Variants in CDK5RAP2 observed in about 807,000 individuals in gnomAD.
CDK5RAP2 encodes the protein CDK5 regulatory subunit associated protein 2.
In CDK5RAP2, 147 loss-of-function variants were observed where a neutral mutation model predicts 232.9. That is an observed-to-expected ratio of 0.63 (90% CI 0.55 to 0.72). The LOEUF is 0.72. CDK5RAP2 is among the 30% of genes least tolerant of loss of function. The pLI is 0.00. For missense variants in CDK5RAP2, 2,195 were observed against 2,231.5 expected (o/e 0.98, Z 0.33); for synonymous variants, 833 against 833.7 (o/e 1.00, Z 0.01).
chr9:120,407,424 T>C lies in CDK5RAP2; in HGVS notation c.4727-176A>G, dbSNP rs1477842108. On this transcript the variant is annotated intron_variant, in intron 31 of 37. Coordinates refer to ENST00000349780, the MANE Select transcript of CDK5RAP2 (RefSeq NM_018249.6). ...GAAACAAAAATATTGGCAGACTTAA[T>C]TGCTGCTATTCCACACGCTAAATAA... 6.2e-6 allele frequency: 4 copies of C among 649,176 alleles called. No homozygotes were observed. The East Asian group carries it at 8.2e-5, about 13-fold the overall frequency. 40.2% of individuals were successfully genotyped at this position (649,176 alleles called of 1,614,324 possible). A position where few individuals can be genotyped will look rare whatever the true frequency, so the allele number is the denominator to read the frequency against.
chr9:120,483,166 T>C (rs1187484008), intron 14 of CDK5RAP2, among the ~76,000 whole-genome samples: 2 of 152,200 alleles, frequency 1.3e-5, no homozygotes, highest in African/African-American at 4.8e-5. Flanking sequence ...ACAGATCTGC[T>C]GTGTGTCTGG....
chr9:120,401,154 A>C, intron 34 of CDK5RAP2: 1 of 454,154 alleles, frequency 2.2e-6, no homozygotes, highest in South Asian at 2.3e-5. Flanking sequence ...TACAGTTACT[A>C]CTCCAAGTAA....
At position 120,403,026 on chromosome 9, in the gene CDK5RAP2, G is replaced by T. The variant is rs2033165911; in HGVS notation, c.5087C>A (p.Ser1696Tyr). Reference protein sequence around the residue: ...PLSGNDTDSLSCDSGSSATST... With the variant: ...PLSGNDTDSLYCDSGSSATST... ...AGTTGCCGAACTGCCACTGTCGCAG[G>T]AGAGGGAGTCCGTGTCATTCCCAGA... Residue 1696 changes from serine (S) to tyrosine (Y), a missense_variant, in exon 34 of 38, where the codon TCC becomes TAC. Transcript: ENST00000349780. This position sits in a 1 kb window ranked among gnomAD's most constrained non-coding sequence, Gnocchi z 4.2. 6.2e-7 allele frequency: 1 copy of T among 1,614,224 alleles called. No individual in the cohort carries two copies. The highest frequency in any genetic ancestry group is 8.5e-7 in the Non-Finnish European group (1 of 1,180,036).
intron 18 of CDK5RAP2, among the ~76,000 whole-genome samples, chr9:120,462,193 C>A (rs943409384): frequency 2.0e-5 from 3 of 152,180 alleles, no homozygotes; most frequent in African/African-American, 7.2e-5. Context: ...TATTATCCAG[C>A]ATGAAACAGA....
intron 35 of CDK5RAP2, among the ~76,000 whole-genome samples, chr9:120,395,773 G>A (rs1278068594): frequency 6.6e-6 from 1 of 152,178 alleles, no homozygotes; most frequent in South Asian, 2.1e-4. Context: ...AGAGAGAACT[G>A]GTTGTATGAA....
chr9:120,459,294 T>G (rs920700179), intron 19 of CDK5RAP2, among the ~76,000 whole-genome samples: 6 of 152,178 alleles, frequency 3.9e-5, no homozygotes, highest in African/African-American at 7.2e-5. Context: ...AAGCCTGTAC[T>G]GGGCATGTCT....
intron 12 of CDK5RAP2, among the ~76,000 whole-genome samples, chr9:120,498,222 T>A (rs575519164): frequency 1.3e-5 from 2 of 152,196 alleles, no homozygotes; most frequent in Non-Finnish European, 2.9e-5. Flanking sequence ...CCAGCCTCCA[T>A]ACTTAGCGAT....
intron 14 of CDK5RAP2, among the ~76,000 whole-genome samples, chr9:120,484,513 G>C (rs938426865): frequency 6.6e-6 from 1 of 152,126 alleles, no homozygotes; most frequent in Non-Finnish European, 1.5e-5. Flanking sequence ...TTTGAGGTCA[G>C]AAGTTTGAGA....
At chr9:120,413,720 T>C (rs2033999126) in intron 28 of CDK5RAP2, among the ~76,000 whole-genome samples, 1 of 152,186 alleles carries the variant, frequency 6.6e-6, no homozygotes, top group South Asian at 2.1e-4. Context: ...CGTGTATTTC[T>C]TTCCTGTGTT....
chr9:120,534,161 A>G (rs1344341728), intron 7 of CDK5RAP2, among the ~76,000 whole-genome samples: 2 of 152,040 alleles, frequency 1.3e-5, no homozygotes, highest in African/African-American at 4.8e-5. Flanking sequence ...CAAATTCTTC[A>G]ATAAGGTCCA....
rs948927830 is a variant in CDK5RAP2, at chr9:120,485,980, T to C, written c.1626+1314A>G. Among the ~76,000 whole-genome samples, 119 of 152,224 alleles carry C rather than the reference T, an allele frequency of 7.8e-4. 2 individuals are homozygous for C. The highest frequency in any genetic ancestry group is 4.4e-3 in the Admixed American group (68 of 15,290). On this transcript the variant is annotated intron_variant, in intron 14 of 37. Coordinates refer to ENST00000349780, the MANE Select transcript of CDK5RAP2 (RefSeq NM_018249.6). ...GTCAGAATTAAGAAACAGCTCCAAC[T>C]GTTCAGCCAATGATACCCCCAGGAC...
intron 16 of CDK5RAP2, among the ~76,000 whole-genome samples, chr9:120,470,969 C>T (rs1007383212): frequency 6.6e-6 from 1 of 152,156 alleles, no homozygotes; most frequent in Non-Finnish European, 1.5e-5. Context: ...AATCTGGGCA[C>T]GTCAAACCCC....
In CDK5RAP2 at chr9:120,487,434, A is replaced by C. The variant is rs2038672001; in HGVS notation, c.1486T>G (p.Phe496Val). The change falls in exon 14 of 38, where the codon TTC (phenylalanine) becomes GTC (valine). Residue 496 changes from phenylalanine to valine, a missense_variant. Phe to Val is a conservative substitution (Grantham distance 50). Coordinates refer to ENST00000349780, the MANE Select transcript of CDK5RAP2 (RefSeq NM_018249.6). ...TNQKDVLLQK[F>V]NEKDLEVIQQ... is the part of the protein sequence containing the mutation. ...ATTACTTCCAAATCTTTTTCATTGA[A>C]TTTCTAATGAAATAAAACAAATTCT... The C allele has an allele frequency of 1.2e-6, 2 of 1,602,870 alleles. No individual in the cohort carries two copies. Among genetic ancestry groups the C allele is most frequent in the South Asian group, 1.1e-5 (1 of 88,130 alleles).
At chr9:120,499,203 T>A (rs1253465749) in intron 12 of CDK5RAP2, among the ~76,000 whole-genome samples, 1 of 152,334 alleles carries the variant, frequency 6.6e-6, no homozygotes, top group South Asian at 2.1e-4. Context: ...ACTGATAAAG[T>A]AGTATGTCTG....
rs747859919 is a variant in CDK5RAP2, at chr9:120,453,556, G to A, written c.2693C>T (p.Pro898Leu). ...CTCTGCGCTGAGTGCAGTGTTGATC[G>A]GTTTCTCTTCCCAAGCCTCTCTTGT... ...EATREAWEEK[P>L]INTALSAEHR... The change falls in exon 21 of 38, where the codon CCG (proline) becomes CTG (leucine). Residue 898 changes from proline (P) to leucine (L), a missense_variant. Physicochemically the swap from Pro to Leu is moderately conservative, Grantham distance 98 (BLOSUM62 -3). Coordinates refer to ENST00000349780, the MANE Select transcript of CDK5RAP2 (RefSeq NM_018249.6). The A allele has an allele frequency of 1.4e-5, 23 of 1,613,844 alleles. No individual in the cohort carries two copies. The highest frequency in any genetic ancestry group is 5.3e-5 in the African/African-American group (4 of 74,848).
At chr9:120,475,273 A>T (rs780808236) in intron 15 of CDK5RAP2, among the ~76,000 whole-genome samples, 1 of 152,096 alleles carries the variant, frequency 6.6e-6, no homozygotes, top group African/African-American at 2.4e-5. Context: ...CACTGAATGT[A>T]TTACAAGTCT....
chr9:120,395,017 T>C (rs1325070635), intron 35 of CDK5RAP2, among the ~76,000 whole-genome samples: 6 of 152,230 alleles, frequency 3.9e-5, no homozygotes, highest in African/African-American at 1.4e-4. Context: ...CTCAGCATTG[T>C]TCATGGTAGG....
intron 12 of CDK5RAP2, among the ~76,000 whole-genome samples, chr9:120,507,305 T>G (rs2039859971): frequency 6.6e-6 from 1 of 152,126 alleles, no homozygotes; most frequent in Admixed American, 6.5e-5. Flanking sequence ...ATCCCTAATA[T>G]CTCCTGAGGG....
intron 20 of CDK5RAP2, among the ~76,000 whole-genome samples, chr9:120,458,124 C>T (rs1588392302): frequency 1.3e-5 from 2 of 152,178 alleles, no homozygotes; most frequent in South Asian, 4.2e-4. Flanking sequence ...AAGCTGTTGT[C>T]GAAACTGGAA....
Sources: allele counts gnomAD v4.1 joint callset (sites outside exome capture counted in the v4.1 genomes callset), GRCh38; gene constraint gnomAD v4.1.1; non-coding constraint Gnocchi (gnomAD v3.1); transcripts MANE v1.5; gene names NCBI Gene and HGNC (gene_info 2026-07-23, HGNC 2026-07-21).